Variants in IGSF21 observed in about 807,000 individuals in gnomAD.
IGSF21 encodes immunoglobulin superfamily member 21.
In IGSF21, 28 loss-of-function variants were observed where a neutral mutation model predicts 46.8. That is an observed-to-expected ratio of 0.60 (90% confidence interval 0.44 to 0.82). IGSF21 has a LOEUF of 0.82. Ranked by LOEUF, IGSF21 falls within the 40% of genes least tolerant of loss-of-function variation. IGSF21 has a pLI of 0.00. For synonymous variants in IGSF21, 284 were observed against 273.6 expected (o/e 1.04, Z -0.38); for missense variants, 624 against 665.5 (o/e 0.94, Z 0.69).
At chr1:18,108,309 G>A (rs2086110690) in intron 1 of IGSF21, 111 bp downstream of exon 1, 1 of 1,114,436 alleles carries the variant, frequency 9.0e-7, no homozygotes, top group Non-Finnish European at 1.1e-6. Context: ...TACGAGCACC[G>A]GTCCTGCCCG....
At chr1:18,219,896 A>G (rs1203292782) in intron 1 of IGSF21, among the ~76,000 whole-genome samples, 2 of 152,266 alleles carry the variant, frequency 1.3e-5, no homozygotes, top group East Asian at 3.9e-4. Flanking sequence ...GAAGAACCAC[A>G]CCCTCATCTG....
At chr1:18,310,506 C>T (rs761654245) in intron 3 of IGSF21, among the ~76,000 whole-genome samples, 5 of 152,218 alleles carry the variant, frequency 3.3e-5, no homozygotes, top group Non-Finnish European at 4.4e-5. Context: ...TGTGGAGTGG[C>T]ATTGGAGCTG....
In IGSF21 at chr1:18,121,193, G is replaced by A. The variant is rs567191761; in HGVS notation, c.70+12995G>A. On this transcript the variant is annotated intron_variant, in intron 1 of 9. Transcript: ENST00000251296. ...CACCCTTGCAGATGGGGGAAGGGAA[G>A]ATACTCTTGAGTAACTTAGCACTTT... 1.3e-5 allele frequency among the ~76,000 whole-genome samples: 2 copies of A among 152,286 alleles called. 1 individual carries two copies. The highest frequency in any genetic ancestry group is 4.1e-4 in the South Asian group (2 of 4,820).
chr1:18,338,621 A>T (rs1301258291), intron 4 of IGSF21, among the ~76,000 whole-genome samples: 1 of 152,144 alleles, frequency 6.6e-6, no homozygotes. Context: ...CATCCAGCAC[A>T]TTCTAACGCG....
At chr1:18,306,470 C>A (rs1446400395) in intron 3 of IGSF21, among the ~76,000 whole-genome samples, 1 of 152,102 alleles carries the variant, frequency 6.6e-6, no homozygotes, top group Non-Finnish European at 1.5e-5. Flanking sequence ...TGATTACTAC[C>A]CAGTAAGACT....
chr1:18,203,816 T>G (rs1198129526), intron 1 of IGSF21, among the ~76,000 whole-genome samples: 1 of 152,232 alleles, frequency 6.6e-6, no homozygotes, highest in African/African-American at 2.4e-5. Context: ...AGCTAGATGG[T>G]AAACATTTTA....
In IGSF21 at chr1:18,287,802, A is replaced by G. The variant is rs1298520004; in HGVS notation, c.184-4064A>G. ...CTGCTCTCTGCACCCCACTCCTTAT[A>G]GACACAACCCAGCCTTCTGGCACCT... On this transcript the variant is annotated intron_variant, in intron 2 of 9. Transcript: ENST00000251296. 3.3e-5 allele frequency among the ~76,000 whole-genome samples: 5 copies of G among 152,134 alleles called. No homozygotes were observed. In the South Asian group the frequency reaches 1.0e-3, roughly 32 times the overall value.
chr1:18,208,811 TGA>T (rs975184391), intron 1 of IGSF21, among the ~76,000 whole-genome samples: 9 of 152,098 alleles, frequency 5.9e-5, no homozygotes, highest in Admixed American at 4.6e-4. Flanking sequence ...TTTCACACAA[TGA>T]GATACTAACC....
intron 2 of IGSF21, among the ~76,000 whole-genome samples, chr1:18,231,510 C>A (rs1241680464): frequency 1.3e-5 from 2 of 152,196 alleles, no homozygotes; most frequent in Non-Finnish European, 2.9e-5. Context: ...GATGCCAAAA[C>A]TATGAGAATA....
intron 1 of IGSF21, 58 bp from the exon 2 acceptor site, chr1:18,227,840 A>G (rs1173629718): frequency 7.7e-7 from 1 of 1,299,938 alleles, no homozygotes; most frequent in Non-Finnish European, 1.1e-6. Context: ...TGCCCTCATC[A>G]GCCCAGCCCC....
chr1:18,264,778 C>T (rs997977557), intron 2 of IGSF21, among the ~76,000 whole-genome samples: 1 of 152,198 alleles, frequency 6.6e-6, no homozygotes, highest in Non-Finnish European at 1.5e-5. Flanking sequence ...AATTTACCTC[C>T]TCTATGCTCT....
intron 6 of IGSF21, among the ~76,000 whole-genome samples, chr1:18,374,943 A>G (rs1372096650): frequency 2.0e-5 from 3 of 152,100 alleles, no homozygotes; most frequent in East Asian, 3.9e-4. Context: ...TGGAAACTCA[A>G]TGGGATCTGT....
intron 1 of IGSF21, among the ~76,000 whole-genome samples, chr1:18,144,041 G>A (rs2086442277): frequency 6.6e-6 from 1 of 152,178 alleles, no homozygotes; most frequent in Non-Finnish European, 1.5e-5. Flanking sequence ...CAGAGTGGGA[G>A]CCCCCTGAGG....
intron 6 of IGSF21, among the ~76,000 whole-genome samples, chr1:18,371,020 T>A (rs2086218607): frequency 6.6e-6 from 1 of 152,204 alleles, no homozygotes; most frequent in Non-Finnish European, 1.5e-5. Flanking sequence ...GGCAGTTTCT[T>A]ACAAAGATAA....
intron 2 of IGSF21, among the ~76,000 whole-genome samples, chr1:18,266,732 C>T (rs2084992846): frequency 6.6e-6 from 1 of 152,202 alleles, no homozygotes; most frequent in Admixed American, 6.5e-5. Flanking sequence ...TAGATGCTGC[C>T]TTTTTAGTGA....
At chr1:18,262,546 G>C (rs937735398) in intron 2 of IGSF21, among the ~76,000 whole-genome samples, 1 of 152,146 alleles carries the variant, frequency 6.6e-6, no homozygotes, top group Non-Finnish European at 1.5e-5. Flanking sequence ...AGATTAATCT[G>C]GTGCGAGTGT....
rs1241557280 is a variant in IGSF21 at position 18,337,166 on chromosome 1, T to C, written c.424+2156T>C. ...GCTCTGACACTTCTGAGTCCCTTACTCCATCCACTAGGTGAGGAAACTGAG... is the reference window on the plus strand; with the variant it reads ...GCTCTGACACTTCTGAGTCCCTTACCCCATCCACTAGGTGAGGAAACTGAG... On this transcript the variant is annotated intron_variant, in intron 4 of 9. Transcript: ENST00000251296. This position sits in a 1 kb window ranked among gnomAD's most constrained non-coding sequence, Gnocchi z 5.7. 6.6e-6 allele frequency among the ~76,000 whole-genome samples: 1 copy of C among 152,064 alleles called. No individual in the cohort carries two copies. Among genetic ancestry groups the C allele is most frequent in the Admixed American group, 6.6e-5 (1 of 15,264 alleles).
intron 1 of IGSF21, among the ~76,000 whole-genome samples, chr1:18,156,747 C>G (rs2086573254): frequency 6.6e-6 from 1 of 152,276 alleles, no homozygotes; most frequent in East Asian, 1.9e-4. Flanking sequence ...GTGTTTACAG[C>G]CCAGGAAGTC....
intron 3 of IGSF21, among the ~76,000 whole-genome samples, chr1:18,305,382 C>CATGG (rs1012709097): frequency 1.5e-5 from 2 of 133,960 alleles, no homozygotes; most frequent in Non-Finnish European, 3.1e-5. Flanking sequence ...TGGATGGATG[C>CATGG]ATGGATGGAT....
Sources: allele counts gnomAD v4.1 joint callset (sites outside exome capture counted in the v4.1 genomes callset), GRCh38; gene constraint gnomAD v4.1.1; non-coding constraint Gnocchi (gnomAD v3.1); transcripts MANE v1.5; gene names NCBI Gene and HGNC (gene_info 2026-07-23, HGNC 2026-07-21).